The following ASPRV1 variants were observed in gnomAD, a reference collection of about 807,000 sequenced individuals.
ASPRV1 encodes the protein aspartic peptidase retroviral like 1.
In ASPRV1, 7 loss-of-function variants were observed where a neutral mutation model predicts 11.0. That is an observed-to-expected ratio of 0.64 (90% CI 0.36 to 1.20). The LOEUF (loss-of-function observed/expected upper bound fraction) is 1.20. Ranked by LOEUF, ASPRV1 falls within the 50% of genes most tolerant of loss-of-function variation. The pLI is 0.02. For missense variants in ASPRV1, 299 were observed against 320.0 expected, an observed-to-expected ratio of 0.93 and a Z score of 0.50; for synonymous variants, 136 against 138.4, an observed-to-expected ratio of 0.98 and a Z score of 0.12.
the ASPRV1 span, among the ~76,000 whole-genome samples, chr2:70,061,536 G>C: frequency 1.3e-5 from 2 of 152,196 alleles, no homozygotes; most frequent in Non-Finnish European, 2.9e-5. Flanking sequence ...AACGAACTGT[G>C]AGCAGATGAA....
At chr2:69,956,309 G>A (rs1363852845), downstream of ASPRV1, among the ~76,000 whole-genome samples, 2 of 151,928 alleles carry the variant, frequency 1.3e-5, no homozygotes, top group South Asian at 2.1e-4. Flanking sequence ...AGGTATAGAA[G>A]GATAGAATTA....
the ASPRV1 span, chr2:70,046,386 T>C: frequency 1.3e-5 from 2 of 152,174 alleles, no homozygotes; most frequent in Non-Finnish European, 2.9e-5. Context: ...TGGACCTATG[T>C]CTTGACTTGT....
At chr2:70,023,426 T>TC in the ASPRV1 span, among the ~76,000 whole-genome samples, 1 of 152,136 alleles carries the variant, frequency 6.6e-6, no homozygotes, top group South Asian at 2.1e-4. Context: ...AGCCCAGGGT[T>TC]CCCTCCATTG....
the ASPRV1 span, chr2:69,970,818 C>A: frequency 6.6e-6 from 1 of 152,244 alleles, no homozygotes; most frequent in Non-Finnish European, 1.5e-5. Flanking sequence ...GCCTCGATGG[C>A]TTTGAATATC....
At chr2:70,078,524 G>A in the ASPRV1 span, among the ~76,000 whole-genome samples, 1 of 152,226 alleles carries the variant, frequency 6.6e-6, no homozygotes, top group Non-Finnish European at 1.5e-5. Flanking sequence ...CAGTTGAGCA[G>A]AAACCTGAAG....
chr2:69,979,828 C>T, the ASPRV1 span, among the ~76,000 whole-genome samples: 1 of 152,178 alleles, frequency 6.6e-6, no homozygotes, highest in African/African-American at 2.4e-5. Flanking sequence ...AAGCTCCACG[C>T]TCTCCATACG....
the ASPRV1 span, among the ~76,000 whole-genome samples, chr2:70,026,087 C>T: frequency 1.3e-5 from 2 of 152,124 alleles, no homozygotes; most frequent in African/African-American, 4.8e-5. Context: ...CTTTGGGAGG[C>T]CAAGGTGGGT....
At chr2:70,056,801 T>A in the ASPRV1 span, among the ~76,000 whole-genome samples, 1 of 150,802 alleles carries the variant, frequency 6.6e-6, no homozygotes, top group Non-Finnish European at 1.5e-5. Flanking sequence ...CAATCTCGGC[T>A]CCCTGCCACT....
chr2:70,080,847 C>T, the ASPRV1 span: 1 of 152,174 alleles, frequency 6.6e-6, no homozygotes, highest in East Asian at 1.9e-4. Context: ...GACTTCAGGC[C>T]TTTGCTTCCT....
chr2:70,080,473 C>T, the ASPRV1 span, among the ~76,000 whole-genome samples: 2 of 152,146 alleles, frequency 1.3e-5, no homozygotes, highest in African/African-American at 2.4e-5. Flanking sequence ...GTGATCTGCC[C>T]GCCTCGGCCG....
At chr2:70,064,741 G>A in the ASPRV1 span, among the ~76,000 whole-genome samples, 3 of 152,252 alleles carry the variant, frequency 2.0e-5, no homozygotes, top group South Asian at 6.2e-4. Context: ...CACTTCACAA[G>A]TATTGTCAAT....
At chr2:70,055,889 G>GC in the ASPRV1 span, 1 of 152,050 alleles carries the variant, frequency 6.6e-6, no homozygotes, top group Non-Finnish European at 1.5e-5. Flanking sequence ...ACCAGCCTGG[G>GC]CAACATAGCA....
upstream of ASPRV1, chr2:69,964,106 G>C (rs1001260625): frequency 4.6e-6 from 1 of 215,344 alleles, no homozygotes. Flanking sequence ...GGAAGCCTTG[G>C]TCACACTGAC....
At chr2:70,055,462 A>G in the ASPRV1 span, among the ~76,000 whole-genome samples, 1 of 152,218 alleles carries the variant, frequency 6.6e-6, no homozygotes, top group Non-Finnish European at 1.5e-5. Context: ...ATAAAAAGCA[A>G]TGAGATCATA....
the ASPRV1 span, among the ~76,000 whole-genome samples, chr2:70,006,553 C>G: frequency 6.6e-6 from 1 of 152,060 alleles, no homozygotes; most frequent in Admixed American, 6.6e-5. Flanking sequence ...GGTTAGAGGG[C>G]ATAAGAGGAC....
the ASPRV1 span, chr2:70,055,934 A>G: frequency 1.3e-5 from 2 of 152,136 alleles, no homozygotes; most frequent in East Asian, 3.9e-4. Context: ...AAAAATTAAA[A>G]TTTTTAAAAA....
chr2:69,987,177 G>A, the ASPRV1 span, among the ~76,000 whole-genome samples: 1 of 152,114 alleles, frequency 6.6e-6, no homozygotes. Flanking sequence ...GGGAGGAGGA[G>A]TTCTGAAACA....
the ASPRV1 span, among the ~76,000 whole-genome samples, chr2:70,001,898 C>T: frequency 6.6e-6 from 1 of 151,778 alleles, no homozygotes; most frequent in African/African-American, 2.4e-5. Flanking sequence ...GAAATATAAG[C>T]GATCAATAAA....
At chr2:69,976,985 A>C in the ASPRV1 span, among the ~76,000 whole-genome samples, 1 of 152,116 alleles carries the variant, frequency 6.6e-6, no homozygotes, top group African/African-American at 2.4e-5. Flanking sequence ...TGAGGTCAGG[A>C]GTTCGAGACC....
Sources: gnomAD v4.1 joint callset for allele counts (sites outside exome capture counted in the v4.1 genomes callset) on GRCh38, gnomAD v4.1.1 for gene constraint, MANE v1.5 for transcripts, NCBI Gene and HGNC (gene_info 2026-07-23, HGNC 2026-07-21) for gene names.